The following FOXC1 variants were observed in gnomAD, a reference collection of about 807,000 sequenced individuals.
FOXC1 encodes forkhead box protein C1.
In FOXC1, 5 loss-of-function variants were observed where a neutral mutation model predicts 8.1. The observed-to-expected ratio is 0.62, with a 90% CI of 0.32 to 1.30. FOXC1 has a LOEUF of 1.30. Among genes scored for constraint, FOXC1 ranks in the 50% most tolerant of loss-of-function variants. FOXC1 has a pLI of 0.05. For missense variants in FOXC1, 942 were observed against 858.0 expected (o/e 1.10, Z -1.22); for synonymous variants, 552 against 417.2 (o/e 1.32, Z -3.94).
chr6:1,612,292 C>CT lies in FOXC1; in HGVS notation c.*186dup. ...CACCAGCACCAGCACGAAGAAAACT[C>CT]TATTTTCTTAACCGATTAATTCAGA... On this transcript the variant is annotated 3_prime_UTR_variant, in exon 1 of 1. Coordinates refer to ENST00000645831, the MANE Select transcript of FOXC1 (RefSeq NM_001453.3). The CT allele has an allele frequency of 1.6e-5, 14 of 884,264 alleles. No individual in the cohort carries two copies. The highest frequency in any genetic ancestry group is 8.5e-5 in the South Asian group (5 of 58,514). 54.8% of individuals were successfully genotyped at this position (884,264 alleles called of 1,614,324 possible).
In FOXC1 at chr6:1,611,392, C is replaced by T; in HGVS notation, c.947C>T (p.Ser316Leu). The T allele has an allele frequency of 4.8e-6, 7 of 1,451,308 alleles. No homozygotes were observed. The highest frequency in any genetic ancestry group is 1.3e-5 in the South Asian group (1 of 77,128). 89.9% of individuals were successfully genotyped at this position (1,451,308 alleles called of 1,614,324 possible). Residue 316 changes from serine (S) to leucine (L), a missense_variant, in exon 1 of 1, where the codon TCG becomes TTG. This residue lies in a region of FOXC1 where 726 missense variants were observed against 599.6 expected (regional missense o/e 1.21). Transcript: ENST00000645831. This position sits in a 1 kb window ranked among gnomAD's most constrained non-coding sequence, Gnocchi z 7.1. ...QGFSVDNIMT[S>L]LRGSPQSAAA... ...TTCAGCGTGGACAACATCATGACGTCGCTGCGGGGGTCGCCGCAGAGCGCG... is the reference window on the plus strand; with the variant it reads ...TTCAGCGTGGACAACATCATGACGTTGCTGCGGGGGTCGCCGCAGAGCGCG...
At position 1,611,921 on chromosome 6, in the gene FOXC1, G is replaced by T; in HGVS notation, c.1476G>T (p.Ala492=). ...LGHLASAAAA[A]AAAGYPGQQQ... Reference sequence around the variant, plus strand: ...ACTTGGCGAGCGCGGCGGCGGCGGCGGCGGCCGCAGGCTACCCGGGCCAGC... The same window carrying T: ...ACTTGGCGAGCGCGGCGGCGGCGGCTGCGGCCGCAGGCTACCCGGGCCAGC... Residue 492 remains alanine (A), a synonymous_variant, in exon 1 of 1, where the codon GCG becomes GCT. Transcript: ENST00000645831. The surrounding 1 kb of genome is among the most constrained non-coding windows in gnomAD (Gnocchi z 7.1). The T allele has an allele frequency of 6.4e-7, 1 of 1,558,340 alleles. No individual in the cohort carries two copies. The highest frequency in any genetic ancestry group is 8.7e-7 in the Non-Finnish European group (1 of 1,151,326).
Position 1,610,177 on chromosome 6 carries a change from C to G in FOXC1, c.-269C>G, listed in dbSNP as rs1427178479. The G allele has an allele frequency of 6.6e-6, 1 of 151,868 alleles. No homozygotes were observed. The highest frequency in any genetic ancestry group is 1.9e-4 in the East Asian group (1 of 5,136). 9.4% of individuals were successfully genotyped at this position (151,868 alleles called of 1,614,324 possible). A position where few individuals can be genotyped will look rare whatever the true frequency, so the allele number is the denominator to read the frequency against. On this transcript the variant is annotated 5_prime_UTR_variant, in exon 1 of 1. Transcript: ENST00000645831. ...CTGGAAGCTGCGCCGCGAGTTCCTG[C>G]AAGGCGGTCTGCCGCGGCCGGGCCC... is the stretch of plus-strand genomic sequence containing the variant.
At position 1,613,468 on chromosome 6, in the gene FOXC1, A is replaced by T. The variant is rs1367590270; in HGVS notation, c.*1361A>T. On this transcript the variant is annotated 3_prime_UTR_variant, in exon 1 of 1. Coordinates refer to ENST00000645831, the MANE Select transcript of FOXC1 (RefSeq NM_001453.3). ...AATCTTTGAGAAACTATTTTAGAAA[A>T]TATGTTTGTAGAACAATTATTTTTG... 1 of 231,248 alleles carries T rather than the reference A, an allele frequency of 4.3e-6. No individual in the cohort carries two copies. The highest frequency in any genetic ancestry group is 2.3e-5 in the African/African-American group (1 of 44,352). 14.3% of individuals were successfully genotyped at this position (231,248 alleles called of 1,614,324 possible).
chr6:1,611,801 C>CGGG lies in FOXC1; in HGVS notation c.1358_1359insGGG (p.Gly456dup), dbSNP rs1254949034. 1 of 1,465,172 alleles carries CGGG rather than the reference C, an allele frequency of 6.8e-7. No homozygotes were observed. The highest frequency in any genetic ancestry group is 9.0e-7 in the Non-Finnish European group (1 of 1,112,712). 90.8% of individuals were successfully genotyped at this position (1,465,172 alleles called of 1,614,324 possible). A position where few individuals can be genotyped will look rare whatever the true frequency, so the allele number is the denominator to read the frequency against. Reference sequence around the variant, plus strand: ...TGAGTCACGGCGGCGGCGGCGGCGGCGGCGGGGGAGGCCAGGAGGCCGGCC... The same window carrying CGGG: ...TGAGTCACGGCGGCGGCGGCGGCGGCGGGGGCGGGGGAGGCCAGGAGGCCGGCC... On this transcript the variant is annotated inframe_insertion, in exon 1 of 1. Transcript: ENST00000645831. The surrounding 1 kb of genome is among the most constrained non-coding windows in gnomAD (Gnocchi z 7.1).
At position 1,611,796 on chromosome 6, in the gene FOXC1, G is replaced by GGCA. The variant is rs2113114588; in HGVS notation, c.1353_1354insAGC (p.Gly451_Gly452insSer). The GGCA allele has an allele frequency of 6.8e-7, 1 of 1,464,754 alleles. No individual in the cohort carries two copies. Among genetic ancestry groups the GGCA allele is most frequent in the Admixed American group, 2.5e-5 (1 of 40,436 alleles). 90.7% of individuals were successfully genotyped at this position (1,464,754 alleles called of 1,614,324 possible). On this transcript the variant is annotated inframe_insertion, in exon 1 of 1. Coordinates refer to ENST00000645831, the MANE Select transcript of FOXC1 (RefSeq NM_001453.3). This position sits in a 1 kb window ranked among gnomAD's most constrained non-coding sequence, Gnocchi z 7.1. ...GTCCCTGAGTCACGGCGGCGGCGGC[G>GGCA]GCGGCGGCGGGGGAGGCCAGGAGGC...
chr6:1,612,217 G>C lies in FOXC1; in HGVS notation c.*110G>C. 6.6e-7 allele frequency: 1 copy of C among 1,516,206 alleles called. No individual in the cohort carries two copies. Among genetic ancestry groups the C allele is most frequent in the Non-Finnish European group, 8.9e-7 (1 of 1,118,792 alleles). 93.9% of individuals were successfully genotyped at this position (1,516,206 alleles called of 1,614,324 possible). ...AAAAATCCAATTAAAAAAAACCCCT[G>C]AGAATATTCACCACACCAGCGAACA... On this transcript the variant is annotated 3_prime_UTR_variant, in exon 1 of 1. Coordinates refer to ENST00000645831, the MANE Select transcript of FOXC1 (RefSeq NM_001453.3).
chr6:1,611,196 G>T lies in FOXC1; in HGVS notation c.751G>T (p.Ala251Ser). 1.4e-6 allele frequency: 2 copies of T among 1,458,328 alleles called. No homozygotes were observed. Among genetic ancestry groups the T allele is most frequent in the South Asian group, 1.3e-5 (1 of 78,112 alleles). 90.3% of individuals were successfully genotyped at this position (1,458,328 alleles called of 1,614,324 possible). A position where few individuals can be genotyped will look rare whatever the true frequency, so the allele number is the denominator to read the frequency against. The change falls in exon 1 of 1, where the codon GCC becomes TCC. Residue 251 changes from alanine to serine, a missense_variant. Around this residue, in one of 4 missense-constraint regions of FOXC1, gnomAD observed 726 missense variants for 599.6 expected, o/e 1.21. Transcript: ENST00000645831. The surrounding 1 kb of genome is among the most constrained non-coding windows in gnomAD (Gnocchi z 7.1). ...SPAAALGSGS[A>S]AAVPKIESPD... The stretch of plus-strand genomic sequence containing the variant: ...GGCCGCCGCCCTGGGCAGCGGCAGC[G>T]CCGCCGCGGTGCCCAAGATCGAGAG...
Position 1,611,152 on chromosome 6 carries a change from C to T in FOXC1, c.707C>T (p.Pro236Leu), listed in dbSNP as rs2113112416. The change falls in exon 1 of 1, where the codon CCG becomes CTG. Residue 236 changes from proline (P) to leucine (L), a missense_variant. Pro to Leu is a moderately conservative substitution (Grantham distance 98). Transcript: ENST00000645831. This position sits in a 1 kb window ranked among gnomAD's most constrained non-coding sequence, Gnocchi z 7.1. ...IKTENGTCPS[P>L]PQPLSPAAAL... ...ACCGAGAACGGTACGTGCCCCTCGC[C>T]GCCCCAGCCCCTGTCCCCGGCCGCC... 4 of 1,440,552 alleles carry T rather than the reference C, an allele frequency of 2.8e-6. No homozygotes were observed. Among genetic ancestry groups the T allele is most frequent in the East Asian group, 3.2e-5 (1 of 31,140 alleles). 89.2% of individuals were successfully genotyped at this position (1,440,552 alleles called of 1,614,324 possible).
chr6:1,611,264 C>T lies in FOXC1; in HGVS notation c.819C>T (p.Pro273=), dbSNP rs931714808. The T allele has an allele frequency of 2.8e-6, 4 of 1,404,112 alleles. No individual in the cohort carries two copies. Among genetic ancestry groups the T allele is most frequent in the Non-Finnish European group, 3.7e-6 (4 of 1,079,686 alleles). The allele number at this position is 1,404,112 out of a possible 1,614,324, so 87.0% of individuals were successfully genotyped here. The change falls in exon 1 of 1, where the codon CCC becomes CCT. Residue 273 remains proline (P), a synonymous_variant. Transcript: ENST00000645831. The surrounding 1 kb of genome is among the most constrained non-coding windows in gnomAD (Gnocchi z 7.1). ...SSSSLSSGSS[P]PGSLPSARPL... ...GCAGCCTGTCCAGCGGGAGCAGCCC[C>T]CCGGGCAGCCTGCCGTCGGCGCGGC...
At position 1,610,657 on chromosome 6, in the gene FOXC1, C is replaced by T; in HGVS notation, c.212C>T (p.Pro71Leu). ...ARAYGPYTPQ[P>L]QPKDMVKPPY... Reference sequence around the variant, plus strand: ...GCCTACGGGCCCTACACGCCGCAGCCGCAGCCCAAGGACATGGTGAAGCCG... The same window carrying T: ...GCCTACGGGCCCTACACGCCGCAGCTGCAGCCCAAGGACATGGTGAAGCCG... The change falls in exon 1 of 1, where the codon CCG (proline) becomes CTG (leucine). Residue 71 changes from proline to leucine, a missense_variant. Physicochemically the swap from Pro to Leu is moderately conservative, Grantham distance 98 (BLOSUM62 -3). Coordinates refer to ENST00000645831, the MANE Select transcript of FOXC1 (RefSeq NM_001453.3). 1 of 1,613,370 alleles carries T rather than the reference C, an allele frequency of 6.2e-7. No homozygotes were observed. The highest frequency in any genetic ancestry group is 1.1e-5 in the South Asian group (1 of 91,072).
rs1034421067 is a variant in FOXC1 at position 1,611,516 on chromosome 6, G to A, written c.1071G>A (p.Gln357=). 4 of 1,362,542 alleles carry A rather than the reference G, an allele frequency of 2.9e-6. No homozygotes were observed. Among genetic ancestry groups the A allele is most frequent in the Non-Finnish European group, 2.9e-6 (3 of 1,051,728 alleles). The allele number at this position is 1,362,542 out of a possible 1,614,324, so 84.4% of individuals were successfully genotyped here. A position where few individuals can be genotyped will look rare whatever the true frequency, so the allele number is the denominator to read the frequency against. The part of the protein sequence containing the change: ...PLALGAYSPG[Q]SSLYSSPCSQ... The stretch of plus-strand genomic sequence containing the variant: ...CGCTCGGCGCCTACTCGCCCGGCCA[G>A]AGCTCCCTCTACAGCTCCCCCTGCA... Residue 357 remains glutamine (Q), a synonymous_variant, in exon 1 of 1, where the codon CAG becomes CAA. Transcript: ENST00000645831. This position sits in a 1 kb window ranked among gnomAD's most constrained non-coding sequence, Gnocchi z 7.1.
At position 1,612,210 on chromosome 6, in the gene FOXC1, A is replaced by C; in HGVS notation, c.*103A>C. Reference sequence around the variant, plus strand: ...AAAAAAAAAAAATCCAATTAAAAAAAACCCCTGAGAATATTCACCACACCA... The same window carrying C: ...AAAAAAAAAAAATCCAATTAAAAAACACCCCTGAGAATATTCACCACACCA... On this transcript the variant is annotated 3_prime_UTR_variant, in exon 1 of 1. Coordinates refer to ENST00000645831, the MANE Select transcript of FOXC1 (RefSeq NM_001453.3). The C allele has an allele frequency of 6.5e-7, 1 of 1,540,998 alleles. No individual in the cohort carries two copies. Among genetic ancestry groups the C allele is most frequent in the Non-Finnish European group, 8.8e-7 (1 of 1,137,512 alleles).
At position 1,611,628 on chromosome 6, in the gene FOXC1, T is replaced by A; in HGVS notation, c.1183T>A (p.Cys395Ser). ...CGCGGGCGGCGCCGGGACCTACCAC[T>A]GCAACCTGCAAGCCATGAGCCTGTA... is the stretch of plus-strand genomic sequence containing the variant. Reference protein sequence around the residue: ...GGAGGAGTYHCNLQAMSLYAA... With the variant: ...GGAGGAGTYHSNLQAMSLYAA... Residue 395 changes from cysteine to serine, a missense_variant, in exon 1 of 1, where the codon TGC becomes AGC. Coordinates refer to ENST00000645831, the MANE Select transcript of FOXC1 (RefSeq NM_001453.3). The surrounding 1 kb of genome is among the most constrained non-coding windows in gnomAD (Gnocchi z 7.1). 1 of 1,287,646 alleles carries A rather than the reference T, an allele frequency of 7.8e-7. No individual in the cohort carries two copies. Among genetic ancestry groups the A allele is most frequent in the Non-Finnish European group, 9.7e-7 (1 of 1,027,506 alleles). The allele number at this position is 1,287,646 out of a possible 1,614,324, so 79.8% of individuals were successfully genotyped here.
rs1430870643 is a variant in FOXC1, at chr6:1,610,048, C to T, written c.-398C>T. 7.5e-6 allele frequency: 1 copy of T among 133,292 alleles called. No individual in the cohort carries two copies. Among genetic ancestry groups the T allele is most frequent in the Non-Finnish European group, 1.6e-5 (1 of 62,432 alleles). The allele number at this position is 133,292 out of a possible 1,614,324, so 8.3% of individuals were successfully genotyped here. The stretch of plus-strand genomic sequence containing the variant: ...CCCCCCCGCCCTGGTTATTTGGCCG[C>T]CTTCGCCGGCAGCTCAGGGCAGAGT... On this transcript the variant is annotated 5_prime_UTR_variant, in exon 1 of 1. Coordinates refer to ENST00000645831, the MANE Select transcript of FOXC1 (RefSeq NM_001453.3).
Position 1,612,884 on chromosome 6 carries a change from G to A in FOXC1, c.*777G>A, listed in dbSNP as rs766487149. 1.1e-3 allele frequency: 247 copies of A among 216,068 alleles called. 2 individuals are homozygous for A. The highest frequency in any genetic ancestry group is 2.9e-3 in the Admixed American group (49 of 16,664). The allele number at this position is 216,068 out of a possible 1,614,324, so 13.4% of individuals were successfully genotyped here. ...AATTATTACGAAAAAAGATTTCAGA[G>A]ATAAAACACTAGAAGTTACCTATTC... On this transcript the variant is annotated 3_prime_UTR_variant, in exon 1 of 1. Coordinates refer to ENST00000645831, the MANE Select transcript of FOXC1 (RefSeq NM_001453.3).
chr6:1,612,241 C>A lies in FOXC1; in HGVS notation c.*134C>A. ...TGAGAATATTCACCACACCAGCGAA[C>A]AGAATATCCCTCCAAAAATTCAGCT... On this transcript the variant is annotated 3_prime_UTR_variant, in exon 1 of 1. Transcript: ENST00000645831. 1 of 1,354,038 alleles carries A rather than the reference C, an allele frequency of 7.4e-7. No individual in the cohort carries two copies. The highest frequency in any genetic ancestry group is 1.0e-6 in the Non-Finnish European group (1 of 989,472). The allele number at this position is 1,354,038 out of a possible 1,614,324, so 83.9% of individuals were successfully genotyped here.
At position 1,611,953 on chromosome 6, in the gene FOXC1, A is replaced by G. The variant is rs1268420006; in HGVS notation, c.1508A>G (p.Asn503Ser). 2 of 1,599,656 alleles carry G rather than the reference A, an allele frequency of 1.3e-6. No homozygotes were observed. Among genetic ancestry groups the G allele is most frequent in the African/African-American group, 2.7e-5 (2 of 74,720 alleles). Residue 503 changes from asparagine (N) to serine (S), a missense_variant, in exon 1 of 1, where the codon AAC (asparagine) becomes AGC (serine). Asn to Ser is a conservative substitution (Grantham distance 46). Around this residue, in one of 4 missense-constraint regions of FOXC1, gnomAD observed 726 missense variants for 599.6 expected, o/e 1.21. Transcript: ENST00000645831. This position sits in a 1 kb window ranked among gnomAD's most constrained non-coding sequence, Gnocchi z 7.1. ...GCAGGCTACCCGGGCCAGCAGCAGAACTTCCACTCGGTGCGGGAGATGTTC... is the reference window on the plus strand; with the variant it reads ...GCAGGCTACCCGGGCCAGCAGCAGAGCTTCCACTCGGTGCGGGAGATGTTC... ...AAAGYPGQQQNFHSVREMFES... is the reference protein window; with the variant it reads ...AAAGYPGQQQSFHSVREMFES...
At position 1,610,775 on chromosome 6, in the gene FOXC1, C is replaced by T. The variant is rs146275363; in HGVS notation, c.330C>T (p.Asp110=). 2.5e-6 allele frequency: 4 copies of T among 1,614,066 alleles called. No individual in the cohort carries two copies. Among genetic ancestry groups the T allele is most frequent in the East Asian group, 4.5e-5 (2 of 44,844 alleles). ...TLNGIYQFIM[D]RFPFYRDNKQ... ...ACGGCATCTACCAGTTCATCATGGA[C>T]CGCTTCCCCTTCTACCGGGACAACA... Residue 110 remains aspartate (D), a synonymous_variant, in exon 1 of 1, where the codon GAC becomes GAT. Coordinates refer to ENST00000645831, the MANE Select transcript of FOXC1 (RefSeq NM_001453.3).
Sources: allele counts gnomAD v4.1 joint callset, GRCh38; gene constraint gnomAD v4.1.1; regional missense constraint gnomAD v4.1.1; non-coding constraint Gnocchi (gnomAD v3.1); transcripts MANE v1.5; gene names NCBI Gene and HGNC (gene_info 2026-07-23, HGNC 2026-07-21).